RAB7A: variants seen among roughly 807,000 people sequenced by gnomAD.
The protein encoded by RAB7A is ras-related protein Rab-7a.
Under a neutral mutation model 24.5 loss-of-function variants are expected in RAB7A, and 2 were observed. That is an observed-to-expected ratio of 0.08 (90% CI 0.03 to 0.26). The LOEUF (loss-of-function observed/expected upper bound fraction) is 0.26. RAB7A is among the 10% of genes least tolerant of loss of function. The pLI is 1.00. For synonymous variants in RAB7A, 100 were observed against 95.9 expected (o/e 1.04, Z -0.25); for missense variants, 118 against 255.7 (o/e 0.46, Z 3.67).
chr3:128,792,931 A>G (rs767098566), intron 1 of RAB7A, among the ~76,000 whole-genome samples: 1 of 151,222 alleles, frequency 6.6e-6, no homozygotes, highest in Non-Finnish European at 1.5e-5. Flanking sequence ...GCTCACTGCA[A>G]CCTCCGCCTC....
intron 1 of RAB7A, among the ~76,000 whole-genome samples, chr3:128,766,459 G>A (rs2070832431): frequency 6.6e-6 from 1 of 152,162 alleles, no homozygotes; most frequent in Non-Finnish European, 1.5e-5. Context: ...TTTATTGTAT[G>A]GTTCTTTTCT....
chr3:128,794,664 A>G (rs1473363768), intron 1 of RAB7A, among the ~76,000 whole-genome samples: 1 of 152,152 alleles, frequency 6.6e-6, no homozygotes, highest in Admixed American at 6.6e-5. Context: ...CAAGTCCTGG[A>G]AGACAGTTGA....
At chr3:128,733,800 T>C (rs1036545154) in intron 1 of RAB7A, among the ~76,000 whole-genome samples, 3 of 152,238 alleles carry the variant, frequency 2.0e-5, no homozygotes, top group Non-Finnish European at 4.4e-5. Flanking sequence ...GATTAGAATT[T>C]CAACTTAAAA....
At chr3:128,795,909 G>A (rs988991460) in intron 2 of RAB7A, among the ~76,000 whole-genome samples, 4 of 151,548 alleles carry the variant, frequency 2.6e-5, no homozygotes, top group Non-Finnish European at 4.4e-5. Flanking sequence ...CCGCCACCAC[G>A]CCCGGCTAGT....
intron 1 of RAB7A, among the ~76,000 whole-genome samples, chr3:128,739,573 G>A (rs73196996): frequency 0.054 from 8,201 of 151,444 alleles, 232 homozygotes; most frequent in Non-Finnish European, 0.058. Flanking sequence ...TAATTTGATG[G>A]CTATAATTCA....
intron 3 of RAB7A, among the ~76,000 whole-genome samples, chr3:128,801,222 A>G (rs1240307932): frequency 6.6e-6 from 1 of 152,206 alleles, no homozygotes; most frequent in Non-Finnish European, 1.5e-5. Context: ...AAAAATTTGC[A>G]TGCTGGATGC....
At chr3:128,813,304 C>T (rs769290290) in intron 5 of RAB7A, 23 bp from the exon 6 acceptor site, 24 of 1,605,604 alleles carry the variant, frequency 1.5e-5, no homozygotes, top group Non-Finnish European at 2.0e-5. Context: ...GAGTAACCAA[C>T]CTTTCTCTGT....
intron 1 of RAB7A, among the ~76,000 whole-genome samples, chr3:128,758,192 G>A (rs528426234): frequency 2.6e-5 from 4 of 152,008 alleles, no homozygotes; most frequent in Admixed American, 6.6e-5. Context: ...TTGAATTTCC[G>A]GCCTCAAATG....
At chr3:128,734,815 T>TCCATTATAGACCTTAG (rs1285478230) in intron 1 of RAB7A, among the ~76,000 whole-genome samples, 1 of 152,248 alleles carries the variant, frequency 6.6e-6, no homozygotes, top group East Asian at 1.9e-4. Flanking sequence ...GCTTTGTGTA[T>TCCATTATAGACCTTAG]CCATTATAGA....
intron 1 of RAB7A, among the ~76,000 whole-genome samples, chr3:128,763,348 G>C (rs1489416909): frequency 6.6e-6 from 1 of 150,880 alleles, no homozygotes; most frequent in Non-Finnish European, 1.5e-5. Flanking sequence ...CCGAGTAGCT[G>C]GGACTACAGG....
intron 1 of RAB7A, among the ~76,000 whole-genome samples, chr3:128,772,545 G>A (rs1184491219): frequency 2.6e-5 from 4 of 152,066 alleles, no homozygotes; most frequent in African/African-American, 7.2e-5. Context: ...AGTGTACTTG[G>A]GTGATATGAC....
intron 1 of RAB7A, among the ~76,000 whole-genome samples, chr3:128,777,238 C>T (rs143683029): frequency 1.2e-3 from 181 of 152,120 alleles, no homozygotes; most frequent in African/African-American, 3.7e-3. Flanking sequence ...GTCACCCAGC[C>T]GCTGGAGTAC....
chr3:128,762,334 G>A (rs1186975782), intron 1 of RAB7A, among the ~76,000 whole-genome samples: 1 of 152,152 alleles, frequency 6.6e-6, no homozygotes, highest in Non-Finnish European at 1.5e-5. Flanking sequence ...CTCTTCCCAA[G>A]GAATTGGAAG....
chr3:128,783,477 G>A (rs1933265494), intron 1 of RAB7A, among the ~76,000 whole-genome samples: 1 of 152,078 alleles, frequency 6.6e-6, no homozygotes, highest in Non-Finnish European at 1.5e-5. Flanking sequence ...GACCCTGTGG[G>A]AGGAATGGCA....
chr3:128,792,759 C>G (rs578197766), intron 1 of RAB7A, among the ~76,000 whole-genome samples: 1 of 152,090 alleles, frequency 6.6e-6, no homozygotes, highest in Non-Finnish European at 1.5e-5. Context: ...TGGGTTCAAG[C>G]GATTCTCCTG....
intron 1 of RAB7A, among the ~76,000 whole-genome samples, chr3:128,736,697 T>G (rs2070492876): frequency 6.6e-6 from 1 of 152,142 alleles, no homozygotes; most frequent in African/African-American, 2.4e-5. Flanking sequence ...TAAAAAAATT[T>G]AAATACAGTT....
rs536354551 is a variant in RAB7A at position 128,807,507 on chromosome 3, G to T, written c.400-36G>T. 4.3e-6 allele frequency: 7 copies of T among 1,613,062 alleles called. No homozygotes were observed. The East Asian group carries it at 1.1e-4, about 26-fold the overall frequency. ...GATGGAGTCAGTGCTGGCTGCTTCT[G>T]TCATGAGCCTATGTGCACCCTGCTT... On this transcript the variant is annotated intron_variant, in intron 4 of 5. Transcript: ENST00000265062.
intron 1 of RAB7A, among the ~76,000 whole-genome samples, chr3:128,783,206 G>A (rs887371133): frequency 1.2e-4 from 6 of 52,100 alleles, no homozygotes; most frequent in South Asian, 5.2e-4. Flanking sequence ...TTTATCCCCC[G>A]CCCCCCCGCC....
At chr3:128,792,656 C>T (rs7651374) in intron 1 of RAB7A, among the ~76,000 whole-genome samples, 341 of 151,768 alleles carry the variant, frequency 2.2e-3, no homozygotes, top group African/African-American at 7.9e-3. Context: ...GATCCACCTG[C>T]CTCGGCCTCC....
Sources: allele counts gnomAD v4.1 joint callset (sites outside exome capture counted in the v4.1 genomes callset), GRCh38; gene constraint gnomAD v4.1.1; transcripts MANE v1.5; gene names NCBI Gene and HGNC (gene_info 2026-07-23, HGNC 2026-07-21).